Variants in PLXNC1 observed in about 807,000 individuals in gnomAD.
PLXNC1 encodes plexin-C1.
PLXNC1 carries 75 observed loss-of-function variants against 178.2 expected under a neutral mutation model. The ratio of observed to expected loss-of-function variants is 0.42; its 90% CI spans 0.35 to 0.51. The LOEUF is 0.51. PLXNC1 is among the 20% of genes least tolerant of loss of function. PLXNC1 has a pLI of 0.02. For missense variants in PLXNC1, 1,503 were observed against 1,984.4 expected, an observed-to-expected ratio of 0.76 and a Z score of 4.61; for synonymous variants, 790 against 779.9, an observed-to-expected ratio of 1.01 and a Z score of -0.22.
chr12:94,247,820 G>T, intron 12 of PLXNC1, 83 bp from the exon 13 acceptor site: 1 of 1,238,168 alleles, frequency 8.1e-7, no homozygotes. Context: ...AAGAAGTTAA[G>T]TTGCTCAGGT....
chr12:94,250,230 A>AT (rs1964643473), intron 14 of PLXNC1, among the ~76,000 whole-genome samples: 1 of 152,188 alleles, frequency 6.6e-6, no homozygotes, highest in South Asian at 2.1e-4. Flanking sequence ...GGAGATGATT[A>AT]GAACCTTGTG....
Position 94,305,559 on chromosome 12 carries a change from G to C in PLXNC1, c.*274G>C, listed in dbSNP as rs541050340. ...TACAGAGAATACAAGGCCAGTAAGC[G>C]AATGTCAGTATTGTAACTACAGTCT... On this transcript the variant is annotated 3_prime_UTR_variant, in exon 31 of 31. Transcript: ENST00000258526. 2 of 362,640 alleles carry C rather than the reference G, an allele frequency of 5.5e-6. No individual in the cohort carries two copies. The highest frequency in any genetic ancestry group is 9.9e-5 in the East Asian group (2 of 20,184). The allele number at this position is 362,640 out of a possible 1,614,324, so 22.5% of individuals were successfully genotyped here. A position where few individuals can be genotyped will look rare whatever the true frequency, so the allele number is the denominator to read the frequency against.
At chr12:94,303,561 G>T (rs1461955109) in intron 28 of PLXNC1, among the ~76,000 whole-genome samples, 195 bp from the exon 29 acceptor site, 1 of 152,222 alleles carries the variant, frequency 6.6e-6, no homozygotes, top group Middle Eastern at 3.4e-3. Context: ...TGACTCACCA[G>T]AACTATCTAG....
intron 1 of PLXNC1, among the ~76,000 whole-genome samples, chr12:94,158,782 A>G (rs1454742428): frequency 6.6e-6 from 1 of 152,192 alleles, no homozygotes; most frequent in African/African-American, 2.4e-5. Flanking sequence ...GAGAAAAATT[A>G]TCATTGACTT....
At chr12:94,222,114 G>A (rs1215220047) in intron 6 of PLXNC1, among the ~76,000 whole-genome samples, 1 of 152,156 alleles carries the variant, frequency 6.6e-6, no homozygotes, top group Non-Finnish European at 1.5e-5. Context: ...TGTCCACACT[G>A]TGCAGCCTTT....
rs1307021762 is a variant in PLXNC1 at position 94,307,133 on chromosome 12, G to A, written c.*1848G>A. On this transcript the variant is annotated 3_prime_UTR_variant, in exon 31 of 31. Transcript: ENST00000258526. ...CTAAATGCTACATGAGGGTGTCCCT[G>A]TCCAGCTTTCTGGCACATGAGTCCT... is the stretch of plus-strand genomic sequence containing the variant. 6.6e-6 allele frequency: 1 copy of A among 152,214 alleles called. No homozygotes were observed. Among genetic ancestry groups the A allele is most frequent in the African/African-American group, 2.4e-5 (1 of 41,448 alleles). 9.4% of individuals were successfully genotyped at this position (152,214 alleles called of 1,614,324 possible). A position where few individuals can be genotyped will look rare whatever the true frequency, so the allele number is the denominator to read the frequency against.
intron 1 of PLXNC1, among the ~76,000 whole-genome samples, chr12:94,156,923 C>T (rs1961196065): frequency 6.6e-6 from 1 of 152,000 alleles, no homozygotes; most frequent in Admixed American, 6.5e-5. Flanking sequence ...CTATGTTGCC[C>T]ATGCTGGTCT....
At chr12:94,182,027 A>G (rs1232505430) in intron 3 of PLXNC1, among the ~76,000 whole-genome samples, 1 of 151,986 alleles carries the variant, frequency 6.6e-6, no homozygotes, top group Non-Finnish European at 1.5e-5. Flanking sequence ...CCCCCTCTTC[A>G]TTTATCTTGC....
intron 9 of PLXNC1, among the ~76,000 whole-genome samples, chr12:94,231,522 G>C (rs188938740): frequency 3.3e-5 from 5 of 152,180 alleles, no homozygotes; most frequent in Non-Finnish European, 4.4e-5. Context: ...CTAATCCAAG[G>C]ATCTGGTACT....
intron 5 of PLXNC1, among the ~76,000 whole-genome samples, chr12:94,211,508 C>A (rs1456176131): frequency 6.6e-6 from 1 of 151,922 alleles, no homozygotes; most frequent in African/African-American, 2.4e-5. Flanking sequence ...AGACGGCAGT[C>A]TAGGGTTGTG....
intron 12 of PLXNC1, among the ~76,000 whole-genome samples, chr12:94,244,568 T>C (rs530789078): frequency 4.9e-4 from 75 of 152,276 alleles, no homozygotes; most frequent in African/African-American, 1.7e-3. Context: ...AGGGGTCTGG[T>C]TTCCACCTTT....
chr12:94,199,689 G>A (rs1398975140), intron 4 of PLXNC1, among the ~76,000 whole-genome samples: 1 of 152,198 alleles, frequency 6.6e-6, no homozygotes. Context: ...AAAGGGGATA[G>A]CAGTGCTAAG....
At chr12:94,213,933 C>G (rs1270146703) in intron 5 of PLXNC1, among the ~76,000 whole-genome samples, 1 of 148,796 alleles carries the variant, frequency 6.7e-6, no homozygotes, top group Non-Finnish European at 1.5e-5. Flanking sequence ...GTGGCACGTT[C>G]TAGGCTCACT....
At chr12:94,284,357 A>T (rs1966685444) in intron 23 of PLXNC1, among the ~76,000 whole-genome samples, 1 of 152,192 alleles carries the variant, frequency 6.6e-6, no homozygotes, top group Non-Finnish European at 1.5e-5. Context: ...AAGTTAGTTC[A>T]GTCTACATCC....
At chr12:94,219,031 A>T (rs1963720271) in intron 5 of PLXNC1, among the ~76,000 whole-genome samples, 1 of 152,230 alleles carries the variant, frequency 6.6e-6, no homozygotes. Context: ...TTTTTCTAAC[A>T]TTAAGGCATA....
chr12:94,300,233 G>C (rs974910732), intron 27 of PLXNC1, among the ~76,000 whole-genome samples: 7 of 152,176 alleles, frequency 4.6e-5, no homozygotes, highest in Admixed American at 1.3e-4. Context: ...GTGCAGTGGA[G>C]AAAGTAGGAA....
chr12:94,190,443 G>A (rs1488433845), intron 4 of PLXNC1, among the ~76,000 whole-genome samples: 2 of 152,080 alleles, frequency 1.3e-5, no homozygotes, highest in African/African-American at 4.8e-5. Flanking sequence ...GTTTCACCAT[G>A]TTGCCCAGGC....
rs770688140 is a variant in PLXNC1, at chr12:94,226,693, T to C, written c.1879T>C (p.Tyr627His). The C allele has an allele frequency of 3.7e-6, 6 of 1,611,476 alleles. No homozygotes were observed. The Admixed American group carries it at 5.0e-5, about 13-fold the overall frequency. The change falls in exon 8 of 31, where the codon TAT becomes CAT. Residue 627 changes from tyrosine (Y) to histidine (H), a missense_variant. Physicochemically the swap from Tyr to His is moderately conservative, Grantham distance 83 (BLOSUM62 2). Transcript: ENST00000258526. ...CTTCACAGCTTGCGACCCTTCTGAT[T>C]ATGAGAGAAACCAGGTAAAGTGACA... The part of the protein sequence containing the change: ...HPFTACDPSD[Y>H]ERNQEQCPVA...
chr12:94,271,072 C>A (rs192377271), intron 21 of PLXNC1, among the ~76,000 whole-genome samples: 184 of 152,322 alleles, frequency 1.2e-3, no homozygotes, highest in Admixed American at 2.8e-3. Flanking sequence ...ACTGAATTTT[C>A]TTTCTTGTTT....
Sources: allele counts gnomAD v4.1 joint callset (sites outside exome capture counted in the v4.1 genomes callset), GRCh38; gene constraint gnomAD v4.1.1; transcripts MANE v1.5; gene names NCBI Gene and HGNC (gene_info 2026-07-23, HGNC 2026-07-21).